Variants in ADAM22 observed in about 807,000 individuals in gnomAD.
The protein encoded by ADAM22 is ADAM metallopeptidase domain 22, also known as disintegrin and metalloproteinase domain-containing protein 22.
ADAM22 carries 65 observed loss-of-function variants against 144.6 expected under a neutral mutation model. The ratio of observed to expected loss-of-function variants is 0.45; its 90% CI spans 0.37 to 0.55. ADAM22 has a LOEUF of 0.55. ADAM22 is among the 20% of genes least tolerant of loss of function. The pLI is 0.00. For missense variants in ADAM22, 974 were observed against 1,184.9 expected (o/e 0.82, Z 2.61); for synonymous variants, 391 against 412.6 (o/e 0.95, Z 0.63).
At chr7:87,946,044 G>GT (rs1344212540) in intron 2 of ADAM22, among the ~76,000 whole-genome samples, 2 of 151,158 alleles carry the variant, frequency 1.3e-5, no homozygotes, top group Admixed American at 6.6e-5. Context: ...ATCAGCATCT[G>GT]TTTTTTTGAC....
chr7:88,194,309 A>T (rs1161394329), intron 31 of ADAM22, among the ~76,000 whole-genome samples: 2 of 152,200 alleles, frequency 1.3e-5, no homozygotes, highest in East Asian at 3.8e-4. Flanking sequence ...GCCTGTAAAA[A>T]TGATAGCTCC....
At chr7:88,017,124 C>T (rs1796708637) in intron 3 of ADAM22, among the ~76,000 whole-genome samples, 2 of 151,766 alleles carry the variant, frequency 1.3e-5, no homozygotes, top group African/African-American at 4.8e-5. Flanking sequence ...AGAGTGAGAC[C>T]CTGTCTCTAA....
chr7:88,196,676 G>T lies in ADAM22; in HGVS notation c.*185G>T. On this transcript the variant is annotated 3_prime_UTR_variant, in exon 32 of 32. Transcript: ENST00000413139. Reference sequence around the variant, plus strand: ...CATTTTCTTTTTGTCATTGGCTTAGGATTTAACTAACCATGAAAAGAACTA... The same window carrying T: ...CATTTTCTTTTTGTCATTGGCTTAGTATTTAACTAACCATGAAAAGAACTA... 1 of 621,308 alleles carries T rather than the reference G, an allele frequency of 1.6e-6. No homozygotes were observed. Among genetic ancestry groups the T allele is most frequent in the East Asian group, 2.8e-5 (1 of 36,234 alleles). The allele number at this position is 621,308 out of a possible 1,614,324, so 38.5% of individuals were successfully genotyped here. A position where few individuals can be genotyped will look rare whatever the true frequency, so the allele number is the denominator to read the frequency against.
chr7:88,145,189 C>A lies in ADAM22; in HGVS notation c.1385C>A (p.Thr462Asn). The A allele has an allele frequency of 6.2e-7, 1 of 1,613,660 alleles. No individual in the cohort carries two copies. The highest frequency in any genetic ancestry group is 8.5e-7 in the Non-Finnish European group (1 of 1,179,830). ...IETGEECDCG[T>N]PAECVLEGAE... ...ACTGGAGAGGAGTGTGATTGTGGAA[C>A]CCCGGCCGTAAGTCTCTGGTTGTTT... Residue 462 changes from threonine to asparagine, a missense_variant, in exon 16 of 32, where the codon ACC becomes AAC. By Grantham distance (65) the Thr-to-Asn change is moderately conservative. Around this residue, in one of 2 missense-constraint regions of ADAM22, gnomAD observed 734 missense variants for 950.6 expected, o/e 0.77. Transcript: ENST00000413139.
chr7:88,133,076 A>G, intron 12 of ADAM22, 125 bp downstream of exon 12: 3 of 802,564 alleles, frequency 3.7e-6, no homozygotes, highest in South Asian at 3.9e-5. Context: ...ACAAATCAGT[A>G]TGGTGGCCTG....
At chr7:88,082,250 T>C (rs1046621740) in intron 4 of ADAM22, among the ~76,000 whole-genome samples, 9 of 152,332 alleles carry the variant, frequency 5.9e-5, no homozygotes, top group African/African-American at 2.2e-4. Context: ...GATTCCCTAT[T>C]TAGTAAATGG....
chr7:87,990,666 T>C (rs998066344), intron 3 of ADAM22, among the ~76,000 whole-genome samples: 1 of 152,076 alleles, frequency 6.6e-6, no homozygotes, highest in African/African-American at 2.4e-5. Flanking sequence ...TCTCCCCTTT[T>C]CTTCTTTTTT....
chr7:88,084,179 C>G (rs980502514), intron 4 of ADAM22, among the ~76,000 whole-genome samples: 2 of 152,062 alleles, frequency 1.3e-5, no homozygotes, highest in African/African-American at 4.8e-5. Flanking sequence ...TATCCTTTTT[C>G]AGAAAAATTG....
At chr7:88,050,550 G>A (rs1806021420) in intron 3 of ADAM22, among the ~76,000 whole-genome samples, 1 of 151,114 alleles carries the variant, frequency 6.6e-6, no homozygotes, top group Non-Finnish European at 1.5e-5. Flanking sequence ...ACTGAAGTCA[G>A]AGCTAGAAAA....
chr7:88,054,125 C>G (rs1277791893), intron 3 of ADAM22, among the ~76,000 whole-genome samples: 1 of 152,028 alleles, frequency 6.6e-6, no homozygotes, highest in Non-Finnish European at 1.5e-5. Flanking sequence ...GAGCGAGACT[C>G]CATCTCAAAA....
In ADAM22 at chr7:88,196,667, T is replaced by C; in HGVS notation, c.*176T>C. The C allele has an allele frequency of 1.5e-6, 1 of 657,752 alleles. No homozygotes were observed. Among genetic ancestry groups the C allele is most frequent in the East Asian group, 2.7e-5 (1 of 36,624 alleles). The allele number at this position is 657,752 out of a possible 1,614,324, so 40.7% of individuals were successfully genotyped here. A position where few individuals can be genotyped will look rare whatever the true frequency, so the allele number is the denominator to read the frequency against. ...TCTGGTTACCATTTTCTTTTTGTCATTGGCTTAGGATTTAACTAACCATGA... is the reference window on the plus strand; with the variant it reads ...TCTGGTTACCATTTTCTTTTTGTCACTGGCTTAGGATTTAACTAACCATGA... On this transcript the variant is annotated 3_prime_UTR_variant, in exon 32 of 32. Transcript: ENST00000413139.
chr7:88,003,696 C>T (rs955149979), intron 3 of ADAM22, among the ~76,000 whole-genome samples: 3 of 152,102 alleles, frequency 2.0e-5, no homozygotes, highest in Non-Finnish European at 2.9e-5. Context: ...AGTCAAAAGA[C>T]GAGTATTTTC....
In ADAM22 at chr7:87,987,253, A is replaced by G. The variant is rs189813520; in HGVS notation, c.323+8841A>G. ...GAGTGCAGTGGCACAATCTCAGCAC[A>G]CTGCAACCTCCGTCTCCCGGGCTCA... On this transcript the variant is annotated intron_variant, in intron 3 of 31. Transcript: ENST00000413139. 3.7e-3 allele frequency among the ~76,000 whole-genome samples: 563 copies of G among 152,226 alleles called. 2 individuals carry two copies. The highest frequency in any genetic ancestry group is 5.1e-3 in the Non-Finnish European group (348 of 68,010).
intron 7 of ADAM22, among the ~76,000 whole-genome samples, chr7:88,119,046 G>A (rs543472416): frequency 1.3e-5 from 2 of 152,204 alleles, no homozygotes; most frequent in East Asian, 1.9e-4. Flanking sequence ...ATTTCCCAGC[G>A]ATAGACATAG....
chr7:88,187,694 A>T lies in ADAM22; in HGVS notation c.2750+993A>T, dbSNP rs559438732. ...AACTTTCATGTTACTGATTGCCATG[A>T]CTTGGGTCAACATTGAACAGATATC... On this transcript the variant is annotated intron_variant, in intron 30 of 31. Coordinates refer to ENST00000413139, the MANE Select transcript of ADAM22 (RefSeq NM_001324418.2). Among the ~76,000 whole-genome samples the T allele has an allele frequency of 3.3e-5, 5 of 152,292 alleles. No homozygotes were observed. In the East Asian group the frequency reaches 9.7e-4, roughly 29 times the overall value.
At chr7:88,172,310 T>C (rs1360166948) in intron 26 of ADAM22, among the ~76,000 whole-genome samples, 1 of 151,924 alleles carries the variant, frequency 6.6e-6, no homozygotes, top group African/African-American at 2.4e-5. Flanking sequence ...ACTCTTCACT[T>C]TTCCCACTTA....
chr7:88,193,363 T>C, intron 31 of ADAM22, 124 bp downstream of exon 31: 1 of 1,186,608 alleles, frequency 8.4e-7, no homozygotes, highest in South Asian at 1.8e-5. Flanking sequence ...AAATCAAACT[T>C]GAAAATAAGG....
At chr7:88,031,332 A>G (rs565161449) in intron 3 of ADAM22, among the ~76,000 whole-genome samples, 2 of 152,318 alleles carry the variant, frequency 1.3e-5, no homozygotes, top group South Asian at 2.1e-4. Context: ...AGAGAGGAAG[A>G]TGAGAGAAAG....
At chr7:88,087,799 T>C (rs1039342650) in intron 4 of ADAM22, among the ~76,000 whole-genome samples, 2 of 152,200 alleles carry the variant, frequency 1.3e-5, no homozygotes, top group Non-Finnish European at 2.9e-5. Flanking sequence ...TCCCAACTTG[T>C]CTTAGGATTA....
Sources: allele counts gnomAD v4.1 joint callset (sites outside exome capture counted in the v4.1 genomes callset), GRCh38; gene constraint gnomAD v4.1.1; regional missense constraint gnomAD v4.1.1; transcripts MANE v1.5; gene names NCBI Gene and HGNC (gene_info 2026-07-23, HGNC 2026-07-21).